Variants in ENPP6 observed in about 807,000 individuals in gnomAD.
The protein encoded by ENPP6 is ectonucleotide pyrophosphatase/phosphodiesterase 6, also known as glycerophosphocholine cholinephosphodiesterase ENPP6.
Under a neutral mutation model 42.0 loss-of-function variants are expected in ENPP6, and 32 were observed. The observed-to-expected ratio is 0.76, with a 90% CI of 0.58 to 1.02. The LOEUF (loss-of-function observed/expected upper bound fraction) is 1.02, where lower values mean the gene tolerates loss of function less well. Among genes scored for constraint, ENPP6 ranks in the 50% least tolerant of loss-of-function variants. The probability of loss-of-function intolerance (pLI) is 0.00; values close to 1 mark genes in which losing one functional copy is unlikely to be tolerated. For missense variants in ENPP6, 552 were observed against 566.8 expected, an observed-to-expected ratio of 0.97 and a Z score of 0.27; for synonymous variants, 213 against 216.0, an observed-to-expected ratio of 0.99 and a Z score of 0.12.
chr4:184,193,069 G>C (rs1473567436), intron 1 of ENPP6, among the ~76,000 whole-genome samples: 1 of 152,110 alleles, frequency 6.6e-6, no homozygotes, highest in Non-Finnish European at 1.5e-5. Context: ...TTTGAAAAAT[G>C]GTTTGGCAAT....
chr4:184,139,961 T>G (rs1429510957), intron 2 of ENPP6, among the ~76,000 whole-genome samples: 1 of 119,506 alleles, frequency 8.4e-6, no homozygotes, highest in Non-Finnish European at 1.8e-5. Flanking sequence ...TGAACTAGTT[T>G]ACAGTCCCAC....
At chr4:184,164,325 T>A (rs796864391) in intron 1 of ENPP6, among the ~76,000 whole-genome samples, 12 of 152,342 alleles carry the variant, frequency 7.9e-5, no homozygotes, top group African/African-American at 2.6e-4. Flanking sequence ...TTGAATTGTG[T>A]TTCCCCAAAA....
chr4:184,096,262 T>G (rs1192567522), intron 7 of ENPP6, among the ~76,000 whole-genome samples: 2 of 152,132 alleles, frequency 1.3e-5, no homozygotes, highest in African/African-American at 4.8e-5. Context: ...CTTACTAAAT[T>G]GAAGAGATGA....
intron 1 of ENPP6, among the ~76,000 whole-genome samples, chr4:184,211,399 G>A (rs1256513715): frequency 5.9e-4 from 90 of 152,132 alleles, no homozygotes; most frequent in South Asian, 1.2e-3. Flanking sequence ...AAAATGATAA[G>A]GGGGATATCA....
chr4:184,114,162 C>T lies in ENPP6; in HGVS notation c.856-1353G>A, dbSNP rs188783323. On this transcript the variant is annotated intron_variant, in intron 5 of 7. Coordinates refer to ENST00000296741, the MANE Select transcript of ENPP6 (RefSeq NM_153343.4). ...TGTATTTTTAGTAAAGACGGGTTTTCGCCATGTTGGCCAGGCTGGTCTTGA... is the reference window on the plus strand; with the variant it reads ...TGTATTTTTAGTAAAGACGGGTTTTTGCCATGTTGGCCAGGCTGGTCTTGA... Among the ~76,000 whole-genome samples the T allele has an allele frequency of 4.7e-3, 719 of 152,158 alleles. 6 individuals carry two copies. Among genetic ancestry groups the T allele is most frequent in the African/African-American group, 0.016 (669 of 41,492 alleles).
At chr4:184,195,081 A>T (rs915440617) in intron 1 of ENPP6, among the ~76,000 whole-genome samples, 2 of 152,164 alleles carry the variant, frequency 1.3e-5, no homozygotes, top group African/African-American at 4.8e-5. Context: ...GACCATTTTT[A>T]AAAATTTCTA....
chr4:184,207,603 T>C (rs1733022358), intron 1 of ENPP6, among the ~76,000 whole-genome samples: 1 of 152,238 alleles, frequency 6.6e-6, no homozygotes, highest in South Asian at 2.1e-4. Flanking sequence ...AGCTTATGCC[T>C]AAAGTAAGAT....
rs1736343757 is a variant in ENPP6 at position 184,117,751 on chromosome 4, C to T, written c.675+8G>A. The T allele has an allele frequency of 6.2e-7, 1 of 1,612,720 alleles. No homozygotes were observed. Among genetic ancestry groups the T allele is most frequent in the East Asian group, 2.2e-5 (1 of 44,822 alleles). Reference sequence around the variant, plus strand: ...AAGGCCAGGCCACGTGTCTTTGCTTCAGGTCACCTGGATCCACTTGGTCAT... The same window carrying T: ...AAGGCCAGGCCACGTGTCTTTGCTTTAGGTCACCTGGATCCACTTGGTCAT... On this transcript the variant is annotated splice_region_variant and intron_variant, in intron 4 of 7. Transcript: ENST00000296741.
intron 1 of ENPP6, among the ~76,000 whole-genome samples, chr4:184,204,754 A>G (rs565926795): frequency 2.0e-5 from 3 of 152,202 alleles, no homozygotes; most frequent in Admixed American, 1.3e-4. Flanking sequence ...TGAGATATGT[A>G]AGATTACTAG....
In ENPP6 at chr4:184,114,527, G is replaced by A. The variant is rs538641932; in HGVS notation, c.856-1718C>T. On this transcript the variant is annotated intron_variant, in intron 5 of 7. Coordinates refer to ENST00000296741, the MANE Select transcript of ENPP6 (RefSeq NM_153343.4). ...GCATTTGCAGAAGGATTTTGTATAAGTGAAAAATCTAGCGACACACAGCAG... is the reference window on the plus strand; with the variant it reads ...GCATTTGCAGAAGGATTTTGTATAAATGAAAAATCTAGCGACACACAGCAG... 8.5e-5 allele frequency among the ~76,000 whole-genome samples: 13 copies of A among 152,258 alleles called. No homozygotes were observed. The East Asian group carries it at 2.5e-3, about 29-fold the overall frequency.
intron 2 of ENPP6, among the ~76,000 whole-genome samples, chr4:184,135,748 A>T (rs1333107007): frequency 6.6e-6 from 1 of 152,194 alleles, no homozygotes; most frequent in Non-Finnish European, 1.5e-5. Context: ...CTGTGTACTG[A>T]GTACCCACGT....
chr4:184,112,679 A>G lies in ENPP6; in HGVS notation c.986T>C (p.Ile329Thr). The change falls in exon 6 of 8, where the codon ATA becomes ACA. Residue 329 changes from isoleucine (I) to threonine (T), a missense_variant. By Grantham distance (89) the Ile-to-Thr change is moderately conservative. Around this residue, in one of 2 missense-constraint regions of ENPP6, gnomAD observed 545 missense variants for 546.3 expected, o/e 1.00. Transcript: ENST00000296741. ...LTLVADEGWF[I>T]TENREMLPFW... ...CACATATTTCATAATTACCTCAGTT[A>G]TGAACCAGCCTTCATCAGCCACTAA... The G allele has an allele frequency of 6.2e-7, 1 of 1,613,946 alleles. No homozygotes were observed. The highest frequency in any genetic ancestry group is 8.5e-7 in the Non-Finnish European group (1 of 1,179,968).
At chr4:184,192,650 G>C (rs1328482293) in intron 1 of ENPP6, among the ~76,000 whole-genome samples, 1 of 152,116 alleles carries the variant, frequency 6.6e-6, no homozygotes, top group East Asian at 1.9e-4. Context: ...CATGAAGAAA[G>C]TGAAAAGACA....
intron 1 of ENPP6, among the ~76,000 whole-genome samples, chr4:184,214,076 T>A (rs1434932803): frequency 1.5e-5 from 2 of 131,786 alleles, no homozygotes; most frequent in African/African-American, 5.8e-5. Context: ...AACATCACAC[T>A]CTGGGGACTG....
At chr4:184,107,627 TAGTC>T (rs1736120204) in intron 6 of ENPP6, among the ~76,000 whole-genome samples, 1 of 151,914 alleles carries the variant, frequency 6.6e-6, no homozygotes, top group African/African-American at 2.4e-5. Context: ...ATAGAAAAAT[TAGTC>T]AGGGCTAGGT....
intron 5 of ENPP6, among the ~76,000 whole-genome samples, chr4:184,113,922 T>TCTTTCTTC (rs1736262904): frequency 7.2e-6 from 1 of 138,256 alleles, no homozygotes; most frequent in Non-Finnish European, 1.6e-5. Context: ...TTTCTTTCTT[T>TCTTTCTTC]CTTTCTTTCT....
intron 3 of ENPP6, among the ~76,000 whole-genome samples, chr4:184,120,212 G>A (rs1699213014): frequency 6.6e-6 from 1 of 152,096 alleles, no homozygotes; most frequent in Non-Finnish European, 1.5e-5. Flanking sequence ...CTTCTTCCCT[G>A]TACTCTACAG....
At chr4:184,118,131 C>T (rs1041430738) in intron 3 of ENPP6, among the ~76,000 whole-genome samples, 1 of 152,200 alleles carries the variant, frequency 6.6e-6, no homozygotes, top group African/African-American at 2.4e-5. Context: ...ACATAGAATT[C>T]GCAGTCTTTG....
At chr4:184,106,169 G>A (rs756787026) in intron 6 of ENPP6, among the ~76,000 whole-genome samples, 5 of 151,742 alleles carry the variant, frequency 3.3e-5, no homozygotes, top group Admixed American at 6.6e-5. Context: ...CAAGTAGCTG[G>A]GATTACAGGC....
Sources: allele counts gnomAD v4.1 joint callset (sites outside exome capture counted in the v4.1 genomes callset), GRCh38; gene constraint gnomAD v4.1.1; regional missense constraint gnomAD v4.1.1; transcripts MANE v1.5; gene names NCBI Gene and HGNC (gene_info 2026-07-23, HGNC 2026-07-21).